Variants in SAMD5 observed in about 807,000 individuals in gnomAD.
The protein encoded by SAMD5 is sterile alpha motif domain containing 5.
SAMD5 carries 13 observed loss-of-function variants against 11.3 expected under a neutral mutation model. The ratio of observed to expected loss-of-function variants is 1.15; its 90% CI spans 0.75 to 1.83. The LOEUF (loss-of-function observed/expected upper bound fraction) is 1.83, where lower values mean the gene tolerates loss of function less well. SAMD5 is among the 40% of genes most tolerant of loss of function. SAMD5 has a pLI of 0.00. For missense variants in SAMD5, 255 were observed against 239.1 expected (o/e 1.07, Z -0.44); for synonymous variants, 129 against 111.3 (o/e 1.16, Z -1.00).
chr6:147,877,137 G>A, the SAMD5 span, among the ~76,000 whole-genome samples: 1 of 151,964 alleles, frequency 6.6e-6, no homozygotes, highest in Non-Finnish European at 1.5e-5. Context: ...AGGTTGTTTT[G>A]AGAATAAAAC....
At chr6:147,953,238 G>C in the SAMD5 span, 3 of 151,550 alleles carry the variant, frequency 2.0e-5, no homozygotes, top group Non-Finnish European at 4.4e-5. Flanking sequence ...AGAGTCCACT[G>C]TAAATCTTTG....
chr6:147,730,356 C>A (rs995371239), intron 1 of SAMD5: 4 of 203,354 alleles, frequency 2.0e-5, no homozygotes, highest in African/African-American at 9.3e-5. Context: ...TATGGGGGTG[C>A]CTACAATAAC....
downstream of SAMD5, among the ~76,000 whole-genome samples, chr6:147,739,734 G>C (rs1338520952): frequency 6.6e-6 from 1 of 152,026 alleles, no homozygotes; most frequent in African/African-American, 2.4e-5. Context: ...TGAATAGGCA[G>C]TTATTTATGT....
chr6:147,815,242 A>G, the SAMD5 span, among the ~76,000 whole-genome samples: 1 of 152,170 alleles, frequency 6.6e-6, no homozygotes, highest in Admixed American at 6.5e-5. Flanking sequence ...CTCTTTCCAA[A>G]TCTTGTCCAC....
chr6:147,721,623 C>A (rs1010977588), intron 1 of SAMD5, among the ~76,000 whole-genome samples: 1 of 151,854 alleles, frequency 6.6e-6, no homozygotes, highest in Non-Finnish European at 1.5e-5. Context: ...AAGTAGGTTG[C>A]GAAAATTTTC....
In SAMD5 at chr6:147,669,629, C is replaced by T. The variant is rs545363473; in HGVS notation, c.163-67688C>T. 3.9e-4 allele frequency among the ~76,000 whole-genome samples: 60 copies of T among 152,018 alleles called. No homozygotes were observed. The South Asian group carries it at 0.012, about 32-fold the overall frequency. Reference sequence around the variant, plus strand: ...TATTTTTAGTAGAGATGGGGTTTCACCATGTTGGCCACACTTGTCTCGAAC... The same window carrying T: ...TATTTTTAGTAGAGATGGGGTTTCATCATGTTGGCCACACTTGTCTCGAAC... On this transcript the variant is annotated intron_variant, in intron 1 of 1. Transcript: ENST00000566741.
intron 1 of SAMD5, among the ~76,000 whole-genome samples, chr6:147,549,749 T>C (rs1337777275): frequency 1.3e-5 from 2 of 152,104 alleles, no homozygotes; most frequent in Non-Finnish European, 2.9e-5. Context: ...AGATTCTCTT[T>C]GAATTGAACC....
intron 1 of SAMD5, among the ~76,000 whole-genome samples, chr6:147,682,157 C>G (rs567749763): frequency 6.6e-6 from 1 of 152,262 alleles, no homozygotes; most frequent in Admixed American, 6.5e-5. Flanking sequence ...TGCCTGGGAT[C>G]CCCCTCTTCC....
chr6:147,652,873 T>G (rs984154298), intron 1 of SAMD5, among the ~76,000 whole-genome samples: 1 of 152,204 alleles, frequency 6.6e-6, no homozygotes, highest in Admixed American at 6.5e-5. Flanking sequence ...CTGTCTTAGA[T>G]GTCTTTTTGC....
the SAMD5 span, among the ~76,000 whole-genome samples, chr6:147,921,555 T>A: frequency 1.3e-5 from 2 of 152,218 alleles, no homozygotes; most frequent in African/African-American, 4.8e-5. Context: ...GTCTATCTAG[T>A]TAAGTCCATC....
chr6:147,606,953 C>A (rs1406017626), intron 1 of SAMD5, among the ~76,000 whole-genome samples: 1 of 101,486 alleles, frequency 9.9e-6, no homozygotes. Context: ...AAATCTGTAG[C>A]AGCTTTATCC....
At chr6:147,851,421 G>A in the SAMD5 span, among the ~76,000 whole-genome samples, 3 of 152,288 alleles carry the variant, frequency 2.0e-5, no homozygotes, top group East Asian at 5.8e-4. Context: ...CAAATAAGGG[G>A]AGACTACGGT....
the SAMD5 span, among the ~76,000 whole-genome samples, chr6:147,846,936 T>TTAAA: frequency 5.3e-5 from 8 of 152,160 alleles, no homozygotes; most frequent in African/African-American, 1.7e-4. Context: ...AAAGTAAAGG[T>TTAAA]TAAACACTAT....
At chr6:147,815,808 A>C in the SAMD5 span, among the ~76,000 whole-genome samples, 1 of 152,016 alleles carries the variant, frequency 6.6e-6, no homozygotes, top group Non-Finnish European at 1.5e-5. Context: ...TCAGTGTCCT[A>C]TGAGTTATCC....
the SAMD5 span, among the ~76,000 whole-genome samples, chr6:147,779,113 T>C: frequency 5.9e-5 from 9 of 152,160 alleles, no homozygotes; most frequent in Non-Finnish European, 1.3e-4. Flanking sequence ...AGCAAACTTC[T>C]TAATAAGTTA....
the SAMD5 span, among the ~76,000 whole-genome samples, chr6:147,897,446 A>G: frequency 1.3e-5 from 2 of 152,148 alleles, no homozygotes; most frequent in Admixed American, 1.3e-4. Flanking sequence ...TTTGTGGAAA[A>G]TGACTGGAGC....
chr6:147,570,334 C>T (rs1264310975), downstream of SAMD5, among the ~76,000 whole-genome samples: 6 of 152,040 alleles, frequency 3.9e-5, no homozygotes, highest in African/African-American at 7.2e-5. Context: ...TGGGGGCTGT[C>T]GGGTGGTAAG....
At chr6:147,528,074 A>G (rs1788372211) in intron 1 of SAMD5, among the ~76,000 whole-genome samples, 2 of 151,924 alleles carry the variant, frequency 1.3e-5, no homozygotes, top group South Asian at 4.2e-4. Context: ...ACCATTCATG[A>G]TGACTCCAAC....
At chr6:147,800,023 C>T in the SAMD5 span, among the ~76,000 whole-genome samples, 2 of 152,046 alleles carry the variant, frequency 1.3e-5, no homozygotes, top group African/African-American at 2.4e-5. Context: ...AATGTCCTCC[C>T]GTAGCTCAGA....
Sources: gnomAD v4.1 joint callset for allele counts (sites outside exome capture counted in the v4.1 genomes callset) on GRCh38, gnomAD v4.1.1 for gene constraint, MANE v1.5 for transcripts, NCBI Gene and HGNC (gene_info 2026-07-23, HGNC 2026-07-21) for gene names.